Variants in GET1 observed in about 807,000 individuals in gnomAD.
GET1 encodes guided entry of tail-anchored proteins factor 1, also known as congenital heart disease 5 protein.
Under a neutral mutation model 22.6 loss-of-function variants are expected in GET1, and 20 were observed. That is an observed-to-expected ratio of 0.89 (90% CI 0.62 to 1.29). GET1 has a LOEUF of 1.29. Ranked by LOEUF, GET1 falls within the 50% of genes most tolerant of loss-of-function variation. The probability of loss-of-function intolerance (pLI) is 0.00; values close to 1 mark genes in which losing one functional copy is unlikely to be tolerated. For missense variants in GET1, 209 were observed against 219.9 expected, an observed-to-expected ratio of 0.95 and a Z score of 0.31; for synonymous variants, 92 against 83.8, an observed-to-expected ratio of 1.10 and a Z score of -0.53.
At chr21:39,387,658 C>T (rs2037993502) in intron 1 of GET1, 1 of 367,596 alleles carries the variant, frequency 2.7e-6, no homozygotes, top group African/African-American at 2.2e-5. Flanking sequence ...CGCATGAGCC[C>T]CTAGACCCCT....
Position 39,393,283 on chromosome 21 carries a change from A to T in GET1, c.451+3A>T. On this transcript the variant is annotated splice_donor_region_variant and intron_variant, in intron 4 of 4. Coordinates refer to ENST00000649170, the MANE Select transcript of GET1 (RefSeq NM_004627.6). ...AGCCTTTCCTACTAGAGTAGCAGGTAAGAATTTTCTGGAAGATGCAGTGGA... is the reference window on the plus strand; with the variant it reads ...AGCCTTTCCTACTAGAGTAGCAGGTTAGAATTTTCTGGAAGATGCAGTGGA... 6.2e-7 allele frequency: 1 copy of T among 1,611,158 alleles called. No homozygotes were observed. Among genetic ancestry groups the T allele is most frequent in the East Asian group, 2.2e-5 (1 of 44,868 alleles).
chr21:39,422,927 C>A, intron 1 of GET1: 1 of 1,553,306 alleles, frequency 6.4e-7, no homozygotes, highest in South Asian at 1.2e-5. Flanking sequence ...CACACCCTCT[C>A]TCTATTAACT....
intron 4 of GET1, chr21:39,405,839 C>A: frequency 2.9e-6 from 4 of 1,385,332 alleles, no homozygotes; most frequent in Non-Finnish European, 2.9e-6. Flanking sequence ...GGCACATAAG[C>A]AGCATTATAT....
chr21:39,380,680 G>T, intron 1 of GET1, 194 bp downstream of exon 1: 1 of 1,396,550 alleles, frequency 7.2e-7, no homozygotes, highest in Non-Finnish European at 9.3e-7. Context: ...AGACTTTCTG[G>T]GTTCTAGGGG....
intron 1 of GET1, chr21:39,423,109 A>G (rs960875553): frequency 6.2e-7 from 1 of 1,613,772 alleles, no homozygotes; most frequent in African/African-American, 1.3e-5. Flanking sequence ...AGTCTTCAGT[A>G]ACTGGCTGTC....
intron 1 of GET1, among the ~76,000 whole-genome samples, chr21:39,415,292 T>C (rs1430215541): frequency 6.6e-6 from 1 of 152,202 alleles, no homozygotes; most frequent in Non-Finnish European, 1.5e-5. Context: ...GATCTAGCCA[T>C]TTCTACTCTT....
At chr21:39,384,461 T>G (rs1051529583) in intron 1 of GET1, among the ~76,000 whole-genome samples, 1 of 151,814 alleles carries the variant, frequency 6.6e-6, no homozygotes, top group East Asian at 1.9e-4. Flanking sequence ...GGTTTCACCA[T>G]GTTGGCCTGG....
In GET1 at chr21:39,425,104, T is replaced by A. The variant is rs145619120; in HGVS notation, c.*24-3128T>A. Among the ~76,000 whole-genome samples the A allele has an allele frequency of 4.1e-3, 631 of 152,330 alleles. 5 individuals are homozygous for A. The highest frequency in any genetic ancestry group is 0.015 in the African/African-American group (613 of 41,564). ...ATATGTGGTGTGCAAGTGTATGTAT[T>A]CATATATCTAGATTCGGAGAAGGAG... On this transcript the variant is annotated intron_variant, in intron 1 of 1. Transcript: ENST00000478273.
At chr21:39,403,629 AT>A (rs34455597) in intron 4 of GET1, among the ~76,000 whole-genome samples, 62,576 of 138,548 alleles carry the variant, frequency 0.45, 15,603 homozygotes, top group East Asian at 0.68. Context: ...TTTTATTTTT[AT>A]TTTTTTTTTG....
rs964083929 is a variant in GET1, at chr21:39,390,636, A to C, written c.103-62A>C. On this transcript the variant is annotated intron_variant, in intron 1 of 4. Coordinates refer to ENST00000649170, the MANE Select transcript of GET1 (RefSeq NM_004627.6). ...GGGCATAGACAGAAAGTAGCGGGGG[A>C]CTGGGGAACCCTCCTGTGACCCGTG... is the stretch of plus-strand genomic sequence containing the variant. 1.9e-6 allele frequency: 3 copies of C among 1,589,580 alleles called. No homozygotes were observed. In the African/African-American group the frequency reaches 4.0e-5, roughly 21 times the overall value.
chr21:39,401,660 A>G (rs1013512935), downstream of GET1, among the ~76,000 whole-genome samples: 1 of 152,118 alleles, frequency 6.6e-6, no homozygotes, highest in African/African-American at 2.4e-5. Context: ...TGTAGAGACT[A>G]TATTTTTCAC....
chr21:39,420,866 C>T (rs765294580), intron 1 of GET1: 1 of 1,572,564 alleles, frequency 6.4e-7, no homozygotes, highest in South Asian at 1.1e-5. Flanking sequence ...TATATTATAA[C>T]TATTCTGCAA....
At chr21:39,419,960 CTAAGA>C (rs1194569994) in intron 1 of GET1, among the ~76,000 whole-genome samples, 1 of 152,022 alleles carries the variant, frequency 6.6e-6, no homozygotes, top group African/African-American at 2.4e-5. Flanking sequence ...TTAAGTAAAA[CTAAGA>C]TAAATTTATG....
At chr21:39,414,655 C>T (rs920239087) in intron 1 of GET1, among the ~76,000 whole-genome samples, 4 of 151,394 alleles carry the variant, frequency 2.6e-5, no homozygotes, top group Admixed American at 6.6e-5. Flanking sequence ...AGAAGTGATG[C>T]TGCGTGACTG....
chr21:39,403,347 C>G (rs545972270), intron 4 of GET1, among the ~76,000 whole-genome samples: 84 of 152,112 alleles, frequency 5.5e-4, no homozygotes, highest in Non-Finnish European at 9.1e-4. Context: ...ATTAGTTTGA[C>G]ACGGAGTCTC....
chr21:39,388,311 T>G (rs1467020302), intron 1 of GET1, among the ~76,000 whole-genome samples: 3 of 152,170 alleles, frequency 2.0e-5, no homozygotes, highest in Non-Finnish European at 2.9e-5. Flanking sequence ...GAGGTTGCAG[T>G]GAGCCGAGAT....
At chr21:39,407,465 C>T (rs1385673300), downstream of GET1, among the ~76,000 whole-genome samples, 1 of 152,124 alleles carries the variant, frequency 6.6e-6, no homozygotes, top group African/African-American at 2.4e-5. Context: ...CTTCTTAGAA[C>T]GAACCTACAA....
At position 39,380,533 on chromosome 21, in the gene GET1, A is replaced by T. The variant is rs768914503; in HGVS notation, c.102+47A>T. ...CAAGGGCCGGTGGGGATGCCGCCCC[A>T]GTCCCCCGGCGGGTCTGGCGTAGGT... On this transcript the variant is annotated intron_variant, in intron 1 of 4. Coordinates refer to ENST00000649170, the MANE Select transcript of GET1 (RefSeq NM_004627.6). 16 of 1,578,940 alleles carry T rather than the reference A, an allele frequency of 1.0e-5. No homozygotes were observed. In the Admixed American group the frequency reaches 2.2e-4, roughly 21 times the overall value.
At chr21:39,415,531 T>C (rs2040980464) in intron 1 of GET1, among the ~76,000 whole-genome samples, 1 of 152,200 alleles carries the variant, frequency 6.6e-6, no homozygotes, top group African/African-American at 2.4e-5. Flanking sequence ...CTTATTTCAG[T>C]ATCTGTAGCA....
Sources: gnomAD v4.1 joint callset for allele counts (sites outside exome capture counted in the v4.1 genomes callset) on GRCh38, gnomAD v4.1.1 for gene constraint, MANE v1.5 for transcripts, NCBI Gene and HGNC (gene_info 2026-07-23, HGNC 2026-07-21) for gene names.